SCFD2: variants seen among roughly 807,000 people sequenced by gnomAD.
SCFD2 encodes the protein sec1 family domain containing 2, also known as sec1 family domain-containing protein 2.
Under a neutral mutation model 58.9 loss-of-function variants are expected in SCFD2, and 54 were observed. The observed-to-expected ratio is 0.92, with a 90% CI of 0.74 to 1.15. The LOEUF (loss-of-function observed/expected upper bound fraction) is 1.15. Among genes scored for constraint, SCFD2 ranks in the 50% most tolerant of loss-of-function variants. The pLI is 0.00. For missense variants in SCFD2, 805 were observed against 836.6 expected, an observed-to-expected ratio of 0.96 and a Z score of 0.47; for synonymous variants, 321 against 335.9, an observed-to-expected ratio of 0.96 and a Z score of 0.49.
At chr4:53,185,105 G>C (rs1361770253) in intron 4 of SCFD2, among the ~76,000 whole-genome samples, 1 of 152,032 alleles carries the variant, frequency 6.6e-6, no homozygotes, top group Non-Finnish European at 1.5e-5. Context: ...CAGGCTACAG[G>C]GGCTGACACA....
At chr4:53,332,234 C>G (rs1733502989) in intron 2 of SCFD2, among the ~76,000 whole-genome samples, 1 of 151,172 alleles carries the variant, frequency 6.6e-6, no homozygotes, top group South Asian at 2.1e-4. Context: ...GGAATCCTCC[C>G]TAACTCATTT....
At chr4:53,263,880 TTG>T (rs1730902800) in intron 4 of SCFD2, among the ~76,000 whole-genome samples, 1 of 152,116 alleles carries the variant, frequency 6.6e-6, no homozygotes, top group African/African-American at 2.4e-5. Context: ...TCCTTTGTCT[TTG>T]GCAACCAGGG....
intron 4 of SCFD2, among the ~76,000 whole-genome samples, chr4:53,217,754 T>G (rs1348415615): frequency 6.6e-6 from 1 of 152,238 alleles, no homozygotes; most frequent in Non-Finnish European, 1.5e-5. Flanking sequence ...TCTTTACAAT[T>G]TGGCATGTTT....
chr4:53,364,206 T>C (rs1322518652), intron 1 of SCFD2, among the ~76,000 whole-genome samples: 4 of 152,202 alleles, frequency 2.6e-5, no homozygotes, highest in African/African-American at 9.7e-5. Flanking sequence ...ATTTTTTATC[T>C]GAAAATTAAT....
At chr4:53,051,821 C>T (rs1188436902) in intron 5 of SCFD2, among the ~76,000 whole-genome samples, 1 of 152,036 alleles carries the variant, frequency 6.6e-6, no homozygotes, top group Non-Finnish European at 1.5e-5. Flanking sequence ...AGTATTTCTC[C>T]TCATCTTTTA....
intron 5 of SCFD2, among the ~76,000 whole-genome samples, chr4:53,108,377 T>C (rs1305105325): frequency 6.6e-6 from 1 of 150,776 alleles, no homozygotes. Flanking sequence ...ACAGCAGAAG[T>C]GAAGGAGATA....
At chr4:53,059,301 T>C (rs1382772120) in intron 5 of SCFD2, among the ~76,000 whole-genome samples, 1 of 152,090 alleles carries the variant, frequency 6.6e-6, no homozygotes, top group Admixed American at 6.6e-5. Flanking sequence ...TGAAGATCTG[T>C]AGTGAAGGGC....
At chr4:52,887,208 G>A (rs931679686) in intron 7 of SCFD2, among the ~76,000 whole-genome samples, 8 of 152,082 alleles carry the variant, frequency 5.3e-5, no homozygotes, top group African/African-American at 1.9e-4. Context: ...AGAGAACAGG[G>A]CCCATCCTCA....
At chr4:53,302,787 A>C (rs1469775442) in intron 3 of SCFD2, among the ~76,000 whole-genome samples, 1 of 152,224 alleles carries the variant, frequency 6.6e-6, no homozygotes, top group Non-Finnish European at 1.5e-5. Flanking sequence ...AGCCCTCAGA[A>C]ATAATGCTGC....
intron 4 of SCFD2, among the ~76,000 whole-genome samples, chr4:53,211,995 G>A (rs1412771535): frequency 3.3e-5 from 5 of 152,016 alleles, no homozygotes; most frequent in Admixed American, 2.6e-4. Flanking sequence ...GGCTTAACAA[G>A]GCTAATTTCT....
intron 2 of SCFD2, among the ~76,000 whole-genome samples, chr4:53,324,772 G>C (rs1221786798): frequency 1.3e-5 from 2 of 152,230 alleles, no homozygotes; most frequent in African/African-American, 2.4e-5. Context: ...GAGCCCAGCA[G>C]AGGGAAGAGG....
At chr4:52,947,715 A>G (rs1472406134) in intron 5 of SCFD2, among the ~76,000 whole-genome samples, 1 of 152,068 alleles carries the variant, frequency 6.6e-6, no homozygotes, top group African/African-American at 2.4e-5. Context: ...TTCGCAAAAA[A>G]ACGATATAAA....
chr4:52,946,623 C>T (rs1042549492), intron 5 of SCFD2, among the ~76,000 whole-genome samples: 1 of 152,026 alleles, frequency 6.6e-6, no homozygotes, highest in African/African-American at 2.4e-5. Flanking sequence ...TCTCCTTAAC[C>T]AAAAATATTA....
At chr4:53,098,545 TG>T (rs1724732566) in intron 5 of SCFD2, among the ~76,000 whole-genome samples, 1 of 152,196 alleles carries the variant, frequency 6.6e-6, no homozygotes, top group African/African-American at 2.4e-5. Flanking sequence ...TGTATTTCTG[TG>T]GGATTGGTGG....
At chr4:53,141,824 G>T (rs1301163389) in intron 5 of SCFD2, among the ~76,000 whole-genome samples, 1 of 152,086 alleles carries the variant, frequency 6.6e-6, no homozygotes, top group Non-Finnish European at 1.5e-5. Flanking sequence ...GATGTCTAAG[G>T]CAGCAAAAGA....
intron 8 of SCFD2, among the ~76,000 whole-genome samples, chr4:52,878,632 A>G (rs1385718891): frequency 6.6e-6 from 1 of 152,256 alleles, no homozygotes; most frequent in Non-Finnish European, 1.5e-5. Flanking sequence ...AAGATGCTCA[A>G]AAATGAAAAA....
At chr4:53,110,399 A>C (rs1725135680) in intron 5 of SCFD2, among the ~76,000 whole-genome samples, 1 of 152,224 alleles carries the variant, frequency 6.6e-6, no homozygotes, top group South Asian at 2.1e-4. Context: ...AATGGGATCT[A>C]ATTAAACTAA....
intron 2 of SCFD2, among the ~76,000 whole-genome samples, chr4:53,314,355 T>A (rs9998376): frequency 0.57 from 86,588 of 152,024 alleles, 24,996 homozygotes; most frequent in Middle Eastern, 0.65. Context: ...ACTAAAACCT[T>A]TACAATTAAC....
At chr4:53,042,399 G>A (rs1453910937) in intron 5 of SCFD2, among the ~76,000 whole-genome samples, 2 of 151,966 alleles carry the variant, frequency 1.3e-5, no homozygotes, top group East Asian at 1.9e-4. Flanking sequence ...CCACAGGGAC[G>A]CAATCAGCTA....
Sources: gnomAD v4.1 joint callset for allele counts (sites outside exome capture counted in the v4.1 genomes callset) on GRCh38, gnomAD v4.1.1 for gene constraint, MANE v1.5 for transcripts, NCBI Gene and HGNC (gene_info 2026-07-23, HGNC 2026-07-21) for gene names.